The following CAST variants were observed in gnomAD, a reference collection of about 807,000 sequenced individuals.
The protein encoded by CAST is calpastatin.
CAST carries 76 observed loss-of-function variants against 119.6 expected under a neutral mutation model. That is an observed-to-expected ratio of 0.64 (90% CI 0.53 to 0.77). CAST has a LOEUF of 0.77. Among genes scored for constraint, CAST ranks in the 30% least tolerant of loss-of-function variants. The pLI, the probability that CAST is intolerant of heterozygous loss-of-function variation, is 0.00. For synonymous variants in CAST, 319 were observed against 331.6 expected (o/e 0.96, Z 0.41); for missense variants, 953 against 946.5 (o/e 1.01, Z -0.09).
At chr5:96,678,720 AC>A (rs2150255663) in intron 2 of CAST, among the ~76,000 whole-genome samples, 1 of 152,028 alleles carries the variant, frequency 6.6e-6, no homozygotes, top group South Asian at 2.1e-4. Flanking sequence ...GGTGGCGCGC[AC>A]CCGTAGTCCC....
intron 1 of CAST, among the ~76,000 whole-genome samples, chr5:96,585,844 C>T (rs1047633760): frequency 1.3e-5 from 2 of 152,182 alleles, no homozygotes; most frequent in African/African-American, 4.8e-5. Context: ...ACGTGCAGGA[C>T]AAATTTTCTC....
At chr5:96,699,131 A>G (rs938908238) in intron 3 of CAST, among the ~76,000 whole-genome samples, 4 of 152,242 alleles carry the variant, frequency 2.6e-5, no homozygotes, top group African/African-American at 9.7e-5. Flanking sequence ...TCAGTAGTGA[A>G]GATGAGGCTG....
the CAST span, among the ~76,000 whole-genome samples, chr5:96,328,378 TCTCC>T: frequency 0.47 from 5,189 of 11,090 alleles, 992 homozygotes; most frequent in South Asian, 0.66. Flanking sequence ...TTTCCTTCTC[TCTCC>T]CTCTCTCTCT....
At chr5:96,509,927 C>T in the CAST span, among the ~76,000 whole-genome samples, 16 of 152,232 alleles carry the variant, frequency 1.1e-4, no homozygotes, top group Admixed American at 3.9e-4. Context: ...GTAATTTACA[C>T]GGTCTTACCC....
intron 1 of CAST, among the ~76,000 whole-genome samples, chr5:96,637,996 AC>A (rs1383550290): frequency 1.3e-5 from 2 of 152,196 alleles, no homozygotes; most frequent in South Asian, 2.1e-4. Flanking sequence ...TTCTCCCCTG[AC>A]TAGACTAACT....
the CAST span, among the ~76,000 whole-genome samples, chr5:96,103,489 T>C: frequency 3.3e-5 from 5 of 151,176 alleles, no homozygotes; most frequent in African/African-American, 7.3e-5. Flanking sequence ...CTGAGAATGA[T>C]GATTTCCAAT....
the CAST span, among the ~76,000 whole-genome samples, chr5:96,424,109 G>C: frequency 1.3e-5 from 2 of 152,174 alleles, no homozygotes; most frequent in South Asian, 4.1e-4. Context: ...GGTAGCAAGG[G>C]AACACAGATA....
At chr5:96,613,481 A>T (rs925432773) in intron 1 of CAST, among the ~76,000 whole-genome samples, 1 of 152,152 alleles carries the variant, frequency 6.6e-6, no homozygotes, top group Non-Finnish European at 1.5e-5. Flanking sequence ...CAACCCTATG[A>T]GTTAGATATT....
chr5:96,068,195 G>C, the CAST span, among the ~76,000 whole-genome samples: 5 of 152,130 alleles, frequency 3.3e-5, no homozygotes, highest in Admixed American at 2.6e-4. Flanking sequence ...GCATTTCCTG[G>C]GCCCTGACTC....
chr5:96,759,838 T>G (rs139047022), intron 24 of CAST, among the ~76,000 whole-genome samples: 20 of 152,060 alleles, frequency 1.3e-4, no homozygotes, highest in African/African-American at 4.8e-4. Flanking sequence ...AACTGATAAA[T>G]AGAGAAAATA....
the CAST span, among the ~76,000 whole-genome samples, chr5:96,259,716 T>G: frequency 6.6e-6 from 1 of 152,110 alleles, no homozygotes; most frequent in African/African-American, 2.4e-5. Flanking sequence ...CTCTTCTCCT[T>G]CGTTTCCTTT....
chr5:96,477,046 T>C, the CAST span, among the ~76,000 whole-genome samples: 4 of 146,966 alleles, frequency 2.7e-5, no homozygotes, highest in African/African-American at 1.0e-4. Context: ...AGTAACTAAC[T>C]GGTAGATCAA....
the CAST span, among the ~76,000 whole-genome samples, chr5:96,515,322 GT>G: frequency 1.3e-5 from 2 of 151,444 alleles, no homozygotes; most frequent in Non-Finnish European, 2.9e-5. Flanking sequence ...TTGTTTGTTT[GT>G]TTTTTGTGTC....
At chr5:96,413,396 A>G in the CAST span, among the ~76,000 whole-genome samples, 1 of 152,254 alleles carries the variant, frequency 6.6e-6, no homozygotes, top group Non-Finnish European at 1.5e-5. Flanking sequence ...ATAATACAAT[A>G]AAGTGCACAG....
chr5:96,240,514 T>C, the CAST span, among the ~76,000 whole-genome samples: 1 of 152,290 alleles, frequency 6.6e-6, no homozygotes, highest in East Asian at 1.9e-4. Context: ...TCTTACTGCA[T>C]GTTATGGCCT....
upstream of CAST, among the ~76,000 whole-genome samples, chr5:96,524,437 T>C (rs1040078600): frequency 6.6e-6 from 1 of 152,208 alleles, no homozygotes; most frequent in South Asian, 2.1e-4. Flanking sequence ...TAATACTTCC[T>C]GGAGGCTGAA....
the CAST span, among the ~76,000 whole-genome samples, chr5:96,081,812 T>A: frequency 6.6e-6 from 1 of 152,226 alleles, no homozygotes; most frequent in Non-Finnish European, 1.5e-5. Flanking sequence ...TCTTAAAAAT[T>A]TAAGTAAAGA....
At chr5:96,617,614 C>A (rs779202015) in intron 1 of CAST, among the ~76,000 whole-genome samples, 3 of 150,984 alleles carry the variant, frequency 2.0e-5, no homozygotes, top group Non-Finnish European at 4.4e-5. Flanking sequence ...ACAGTGAAAC[C>A]CCGTCTCTAC....
chr5:96,407,009 CT>C, the CAST span, among the ~76,000 whole-genome samples: 2 of 152,006 alleles, frequency 1.3e-5, no homozygotes, highest in Non-Finnish European at 1.5e-5. Context: ...AAAGTTAAAT[CT>C]TTTTTTAACA....
Sources: allele counts gnomAD v4.1 joint callset (sites outside exome capture counted in the v4.1 genomes callset), GRCh38; gene constraint gnomAD v4.1.1; transcripts MANE v1.5; gene names NCBI Gene and HGNC (gene_info 2026-07-23, HGNC 2026-07-21).